Variants in JAK2 observed in about 807,000 individuals in gnomAD.
The protein encoded by JAK2 is Janus kinase 2, also known as tyrosine-protein kinase JAK2.
A neutral mutation model predicts 139.3 loss-of-function variants in JAK2; 86 were observed. The ratio of observed to expected loss-of-function variants is 0.62; its 90% confidence interval spans 0.52 to 0.74. The LOEUF (loss-of-function observed/expected upper bound fraction) is 0.74, where lower values mean the gene tolerates loss of function less well. JAK2 is among the 30% of genes least tolerant of loss of function. JAK2 has a pLI of 0.00. For synonymous variants in JAK2, 490 were observed against 437.7 expected (o/e 1.12, Z -1.49); for missense variants, 1,421 against 1,360.3 (o/e 1.04, Z -0.70).
chr9:5,064,846 C>G, intron 8 of JAK2, 37 bp from the exon 9 acceptor site: 1 of 1,444,358 alleles, frequency 6.9e-7, no homozygotes, highest in Non-Finnish European at 9.2e-7. Flanking sequence ...AGTTGACTTT[C>G]TAAAAGGTGC....
intron 5 of JAK2, among the ~76,000 whole-genome samples, chr9:5,048,363 G>A (rs1369332681): frequency 2.0e-5 from 3 of 151,918 alleles, no homozygotes; most frequent in African/African-American, 4.8e-5. Context: ...GGCTGGTCTC[G>A]AACTCCTGAC....
chr9:5,082,467 C>A (rs974867123), intron 19 of JAK2, among the ~76,000 whole-genome samples: 2 of 152,230 alleles, frequency 1.3e-5, no homozygotes, highest in Non-Finnish European at 2.9e-5. Context: ...AGTTTTTCTC[C>A]TATCTCAGAA....
chr9:5,046,001 C>A (rs962012328), intron 5 of JAK2, among the ~76,000 whole-genome samples: 2 of 152,146 alleles, frequency 1.3e-5, no homozygotes, highest in Non-Finnish European at 2.9e-5. Flanking sequence ...TTCAGTCCTA[C>A]CAGCAGTGCA....
At chr9:4,990,658 A>T (rs981372065) in intron 2 of JAK2, among the ~76,000 whole-genome samples, 1 of 152,198 alleles carries the variant, frequency 6.6e-6, no homozygotes, top group African/African-American at 2.4e-5. Context: ...AGGCGGAATG[A>T]TCAACATGTT....
intron 5 of JAK2, among the ~76,000 whole-genome samples, chr9:5,046,879 G>T (rs1459965801): frequency 6.6e-6 from 1 of 152,022 alleles, no homozygotes; most frequent in Non-Finnish European, 1.5e-5. Flanking sequence ...ATATTTTGGG[G>T]GTAGGCTAGT....
chr9:4,999,641 TG>T (rs1268166656), intron 2 of JAK2, among the ~76,000 whole-genome samples: 2 of 152,138 alleles, frequency 1.3e-5, no homozygotes, highest in Non-Finnish European at 2.9e-5. Flanking sequence ...GTCTCAAAAC[TG>T]AAGAACTTGG....
intron 13 of JAK2, among the ~76,000 whole-genome samples, chr9:5,073,330 T>TA (rs1819096542): frequency 6.6e-6 from 1 of 152,226 alleles, no homozygotes; most frequent in African/African-American, 2.4e-5. Context: ...TAGCAAGTGT[T>TA]ATTTAAAGGC....
At chr9:5,030,016 G>T (rs953686513) in intron 4 of JAK2, 110 bp downstream of exon 4, 2 of 817,946 alleles carry the variant, frequency 2.4e-6, no homozygotes, top group Non-Finnish European at 3.7e-6. Flanking sequence ...GAACCAATTA[G>T]TTAGCACTCA....
In JAK2 at chr9:5,129,795, T is replaced by A. The variant is rs1231241948; in HGVS notation, c.*3004T>A. 6.6e-6 allele frequency among the ~76,000 whole-genome samples: 1 copy of A among 152,130 alleles called. No individual in the cohort carries two copies. Among genetic ancestry groups the A allele is most frequent in the Non-Finnish European group, 1.5e-5 (1 of 67,972 alleles). ...TGAGAGAACTGAAAAACTACATCAG[T>A]CAAATTCATGTATGTATATCATATA... On this transcript the variant is annotated 3_prime_UTR_variant, in exon 25 of 25. Transcript: ENST00000381652.
intron 22 of JAK2, among the ~76,000 whole-genome samples, chr9:5,121,773 T>TC: frequency 6.6e-6 from 1 of 152,296 alleles, no homozygotes; most frequent in East Asian, 1.9e-4. Context: ...TTAATTTTGT[T>TC]CTTTTTAAAT....
intron 14 of JAK2, among the ~76,000 whole-genome samples, chr9:5,077,239 AT>A (rs1315872915): frequency 6.7e-5 from 10 of 150,286 alleles, no homozygotes; most frequent in Admixed American, 1.3e-4. Context: ...ATAATAATAT[AT>A]AATTGTTTAG....
chr9:5,061,702 C>G (rs1818185266), intron 8 of JAK2, among the ~76,000 whole-genome samples: 1 of 152,196 alleles, frequency 6.6e-6, no homozygotes, highest in Non-Finnish European at 1.5e-5. Flanking sequence ...TTTATGTGCT[C>G]ACAGGAGTAG....
At chr9:4,989,815 A>G (rs749119583) in intron 2 of JAK2, among the ~76,000 whole-genome samples, 1 of 152,164 alleles carries the variant, frequency 6.6e-6, no homozygotes, top group Non-Finnish European at 1.5e-5. Context: ...TGAAATGAAG[A>G]TTTGTGTGAA....
chr9:5,034,252 A>T (rs1385703416), intron 4 of JAK2, among the ~76,000 whole-genome samples: 2 of 152,160 alleles, frequency 1.3e-5, no homozygotes, highest in African/African-American at 4.8e-5. Context: ...AAGTCCTTAG[A>T]GACCTACAAA....
chr9:5,077,382 A>G (rs1315415516), intron 14 of JAK2, 71 bp from the exon 15 acceptor site: 9 of 539,278 alleles, frequency 1.7e-5, no homozygotes, highest in Non-Finnish European at 2.5e-5. Flanking sequence ...GTAAGTATAA[A>G]GATTTAAATT....
At chr9:4,998,101 T>G (rs1188220902) in intron 2 of JAK2, among the ~76,000 whole-genome samples, 1 of 152,214 alleles carries the variant, frequency 6.6e-6, no homozygotes, top group Non-Finnish European at 1.5e-5. Flanking sequence ...GTTTTAAATA[T>G]TTCACGAGCA....
Position 5,070,003 on chromosome 9 carries a change from A to G in JAK2, c.1592A>G (p.His531Arg). The G allele has an allele frequency of 6.2e-7, 1 of 1,608,286 alleles. No individual in the cohort carries two copies. The highest frequency in any genetic ancestry group is 8.5e-7 in the Non-Finnish European group (1 of 1,176,282). ...TCACCAACATTACAGAGGCCTACTC[A>G]TATGAACCAAATGGTGTTTCACAAA... is the stretch of plus-strand genomic sequence containing the variant. Reference protein sequence around the residue: ...PTSPTLQRPTHMNQMVFHKIR... With the variant: ...PTSPTLQRPTRMNQMVFHKIR... The change falls in exon 12 of 25, where the codon CAT becomes CGT. Residue 531 changes from histidine to arginine, a missense_variant. His to Arg is a conservative substitution (Grantham distance 29, BLOSUM62 0). Transcript: ENST00000381652.
chr9:5,087,157 C>T (rs1820188870), intron 19 of JAK2, among the ~76,000 whole-genome samples: 2 of 152,118 alleles, frequency 1.3e-5, no homozygotes, highest in Admixed American at 6.5e-5. Context: ...AAGACATACC[C>T]GAGACTGGGT....
chr9:5,054,564 TAC>T lies in JAK2; in HGVS notation c.618_619del (p.Tyr206Ter), dbSNP rs1214592807. On this transcript the variant is annotated frameshift_variant and splice_region_variant, in exon 7 of 25. Coordinates refer to ENST00000381652, the MANE Select transcript of JAK2 (RefSeq NM_004972.4). LOFTEE classifies it high-confidence loss of function. The surrounding 1 kb of genome is among the most constrained non-coding windows in gnomAD (Gnocchi z 4.9). ...TPLAIYNSIS[Y>X]KTFLPKCIRA... ...CTGTATGTGCTTTTTTATCCCTAGCTACAAGACATTCTTACCAAAATGTATTC... is the reference window on the plus strand; with the variant it reads ...CTGTATGTGCTTTTTTATCCCTAGCTAAGACATTCTTACCAAAATGTATTC... The T allele has an allele frequency of 2.5e-6, 4 of 1,573,346 alleles. No homozygotes were observed. Among genetic ancestry groups the T allele is most frequent in the Non-Finnish European group, 3.5e-6 (4 of 1,158,928 alleles).
Sources: gnomAD v4.1 joint callset for allele counts (sites outside exome capture counted in the v4.1 genomes callset) on GRCh38, gnomAD v4.1.1 for gene constraint, Gnocchi (gnomAD v3.1) non-coding constraint, MANE v1.5 for transcripts, NCBI Gene and HGNC (gene_info 2026-07-23, HGNC 2026-07-21) for gene names.